Variants in MIPOL1 observed in about 807,000 individuals in gnomAD.
MIPOL1 encodes mirror-image polydactyly 1, also known as mirror-image polydactyly gene 1 protein.
In MIPOL1, 57 loss-of-function variants were observed where a neutral mutation model predicts 60.9. The ratio of observed to expected loss-of-function variants is 0.94; its 90% CI spans 0.76 to 1.17. The LOEUF (loss-of-function observed/expected upper bound fraction) is 1.17, where lower values mean the gene tolerates loss of function less well. Ranked by LOEUF, MIPOL1 falls within the 50% of genes most tolerant of loss-of-function variation. The probability of loss-of-function intolerance (pLI) is 0.00; values close to 1 mark genes in which losing one functional copy is unlikely to be tolerated. For missense variants in MIPOL1, 551 were observed against 511.6 expected (o/e 1.08, Z -0.74); for synonymous variants, 179 against 168.8 (o/e 1.06, Z -0.47).
chr14:37,346,111 A>C (rs1003393175), intron 9 of MIPOL1, among the ~76,000 whole-genome samples: 1 of 152,076 alleles, frequency 6.6e-6, no homozygotes, highest in Non-Finnish European at 1.5e-5. Flanking sequence ...AGACAGATCA[A>C]TTGAGGTCAG....
chr14:37,393,060 A>G (rs1326256778), intron 10 of MIPOL1, among the ~76,000 whole-genome samples: 1 of 152,140 alleles, frequency 6.6e-6, no homozygotes, highest in Non-Finnish European at 1.5e-5. Flanking sequence ...CACAGATACA[A>G]AAGACACAGG....
intron 12 of MIPOL1, among the ~76,000 whole-genome samples, chr14:37,518,161 T>G (rs2095384959): frequency 6.6e-6 from 1 of 152,172 alleles, no homozygotes; most frequent in African/African-American, 2.4e-5. Flanking sequence ...ACTAACTATG[T>G]TAACAGTTAT....
chr14:37,284,325 GTAT>G (rs535712443), intron 6 of MIPOL1, among the ~76,000 whole-genome samples: 216 of 151,830 alleles, frequency 1.4e-3, no homozygotes, highest in African/African-American at 4.8e-3. Context: ...CATGATCATT[GTAT>G]TATTATTATT....
intron 11 of MIPOL1, among the ~76,000 whole-genome samples, chr14:37,454,713 C>A (rs1255958498): frequency 6.6e-6 from 1 of 152,058 alleles, no homozygotes; most frequent in Non-Finnish European, 1.5e-5. Flanking sequence ...TCATATGAAG[C>A]ATAAAGAAGC....
chr14:37,515,927 A>G (rs1339123656), intron 12 of MIPOL1, among the ~76,000 whole-genome samples: 1 of 152,234 alleles, frequency 6.6e-6, no homozygotes, highest in Non-Finnish European at 1.5e-5. Flanking sequence ...ATTCTTGAGG[A>G]GAGCTGGTAA....
intron 9 of MIPOL1, among the ~76,000 whole-genome samples, chr14:37,343,265 T>C (rs1269403744): frequency 6.6e-6 from 1 of 152,052 alleles, no homozygotes; most frequent in Non-Finnish European, 1.5e-5. Flanking sequence ...TGCCAGAGTT[T>C]GAAGAAACAA....
At chr14:37,471,140 C>T (rs2094683553) in intron 11 of MIPOL1, among the ~76,000 whole-genome samples, 1 of 152,100 alleles carries the variant, frequency 6.6e-6, no homozygotes, top group African/African-American at 2.4e-5. Context: ...ATCATTGGAA[C>T]ACTTGGGGAC....
chr14:37,495,465 C>A (rs374025610), intron 11 of MIPOL1, among the ~76,000 whole-genome samples: 11 of 150,174 alleles, frequency 7.3e-5, no homozygotes, highest in South Asian at 2.1e-4. Flanking sequence ...TGAACTCATC[C>A]TTTTTTATGG....
At chr14:37,534,103 A>AAAG (rs1187064354) in intron 12 of MIPOL1, among the ~76,000 whole-genome samples, 1 of 151,878 alleles carries the variant, frequency 6.6e-6, no homozygotes, top group Admixed American at 6.6e-5. Flanking sequence ...AAAGGAAGAA[A>AAAG]AAGAAGAAGA....
At chr14:37,406,098 T>C (rs899027033) in intron 10 of MIPOL1, among the ~76,000 whole-genome samples, 2 of 152,124 alleles carry the variant, frequency 1.3e-5, no homozygotes, top group African/African-American at 4.8e-5. Flanking sequence ...GTTAATTTGA[T>C]AGACAATTAT....
intron 10 of MIPOL1, among the ~76,000 whole-genome samples, chr14:37,405,448 A>G (rs1175102415): frequency 1.3e-5 from 2 of 152,114 alleles, no homozygotes; most frequent in Non-Finnish European, 1.5e-5. Context: ...TTTAATGTCT[A>G]TATGCCAACT....
At position 37,377,153 on chromosome 14, in the gene MIPOL1, A is replaced by G. The variant is rs753950193; in HGVS notation, c.936+7529A>G. Among the ~76,000 whole-genome samples, 89 of 152,180 alleles carry G rather than the reference A, an allele frequency of 5.8e-4. 2 individuals are homozygous for G. The highest frequency in any genetic ancestry group is 2.1e-4 in the Non-Finnish European group (14 of 68,034). On this transcript the variant is annotated intron_variant, in intron 10 of 12. Coordinates refer to ENST00000684589, the MANE Select transcript of MIPOL1 (RefSeq NM_001388067.1). Reference sequence around the variant, plus strand: ...ACCTGAGTCAAACACTATTGACTTTATAACTCAACATTTATTTCCAGTCAT... The same window carrying G: ...ACCTGAGTCAAACACTATTGACTTTGTAACTCAACATTTATTTCCAGTCAT...
At chr14:37,415,829 A>G (rs1217724135) in intron 10 of MIPOL1, among the ~76,000 whole-genome samples, 1 of 152,134 alleles carries the variant, frequency 6.6e-6, no homozygotes, top group Non-Finnish European at 1.5e-5. Context: ...TAGCTACTAT[A>G]CAATATCTTG....
intron 11 of MIPOL1, among the ~76,000 whole-genome samples, chr14:37,482,440 A>C (rs1025112904): frequency 1.3e-5 from 2 of 152,166 alleles, no homozygotes; most frequent in African/African-American, 4.8e-5. Context: ...ACTGCCCAAG[A>C]CTGGGTATTT....
intron 12 of MIPOL1, chr14:37,507,614 G>A (rs563539004): frequency 6.6e-6 from 1 of 152,250 alleles, no homozygotes; most frequent in East Asian, 1.9e-4. Context: ...GGGACTGGGG[G>A]TCTGGGAGAG....
At chr14:37,545,834 G>T in intron 12 of MIPOL1, 1 of 431,336 alleles carries the variant, frequency 2.3e-6, no homozygotes, top group Non-Finnish European at 4.1e-6. Context: ...GTGTTTATTT[G>T]CAGAGGACCC....
chr14:37,285,205 GT>G (rs2084451904), intron 6 of MIPOL1, 112 bp from the exon 7 acceptor site: 4 of 1,061,814 alleles, frequency 3.8e-6, no homozygotes, highest in Non-Finnish European at 5.4e-6. Context: ...TATTAATTCA[GT>G]TTATTGAGTA....
chr14:37,280,676 TG>T (rs1424104390), intron 6 of MIPOL1, among the ~76,000 whole-genome samples: 4 of 152,188 alleles, frequency 2.6e-5, no homozygotes, highest in Admixed American at 6.6e-5. Context: ...TATTTAGTTT[TG>T]AGACTGAGCC....
chr14:37,202,414 C>T (rs1965484205), intron 1 of MIPOL1, among the ~76,000 whole-genome samples: 1 of 152,124 alleles, frequency 6.6e-6, no homozygotes, highest in South Asian at 2.1e-4. Context: ...CACAAACACA[C>T]ACACAATGAC....
Sources: gnomAD v4.1 joint callset for allele counts (sites outside exome capture counted in the v4.1 genomes callset) on GRCh38, gnomAD v4.1.1 for gene constraint, MANE v1.5 for transcripts, NCBI Gene and HGNC (gene_info 2026-07-23, HGNC 2026-07-21) for gene names.